The following PTPRM variants were observed in gnomAD, a reference collection of about 807,000 sequenced individuals.
PTPRM encodes receptor-type tyrosine-protein phosphatase mu.
A neutral mutation model predicts 186.7 loss-of-function variants in PTPRM; 47 were observed. The observed-to-expected ratio is 0.25, with a 90% confidence interval of 0.20 to 0.32. The LOEUF is 0.32. Among genes scored for constraint, PTPRM ranks in the 10% least tolerant of loss-of-function variants. The pLI is 1.00. For synonymous variants in PTPRM, 668 were observed against 674.9 expected (o/e 0.99, Z 0.16); for missense variants, 1,494 against 1,865.0 (o/e 0.80, Z 3.66).
At chr18:8,387,503 G>GAAA (rs113920545) in intron 31 of PTPRM, among the ~76,000 whole-genome samples, 2 of 149,722 alleles carry the variant, frequency 1.3e-5, no homozygotes, top group African/African-American at 4.9e-5. Context: ...ACTGCCAAGA[G>GAAA]GAAAAAAAAA....
chr18:7,947,199 G>A (rs8092781), intron 5 of PTPRM, among the ~76,000 whole-genome samples: 24,717 of 152,124 alleles, frequency 0.16, 2,199 homozygotes, highest in Non-Finnish European at 0.19. Context: ...CAGGTGTTCC[G>A]GCGCTTGGGC....
At chr18:7,600,245 G>A (rs1032585412) in intron 1 of PTPRM, among the ~76,000 whole-genome samples, 4 of 152,282 alleles carry the variant, frequency 2.6e-5, no homozygotes, top group Admixed American at 2.0e-4. Flanking sequence ...GACCAAATGA[G>A]GTAATAAACA....
At chr18:8,100,660 G>A (rs2091253312) in intron 11 of PTPRM, among the ~76,000 whole-genome samples, 1 of 152,200 alleles carries the variant, frequency 6.6e-6, no homozygotes, top group African/African-American at 2.4e-5. Context: ...AATTCTCTAA[G>A]TCTGTTCCTT....
chr18:8,040,280 C>T (rs1172709419), intron 7 of PTPRM, among the ~76,000 whole-genome samples: 1 of 152,172 alleles, frequency 6.6e-6, no homozygotes, highest in East Asian at 1.9e-4. Context: ...TCATCCTAGT[C>T]ATCTTCCCAT....
At chr18:8,120,733 G>C (rs976812594) in intron 13 of PTPRM, among the ~76,000 whole-genome samples, 1 of 152,050 alleles carries the variant, frequency 6.6e-6, no homozygotes, top group Admixed American at 6.6e-5. Context: ...GAGCTCAAGC[G>C]ATCCACCCAC....
intron 5 of PTPRM, among the ~76,000 whole-genome samples, chr18:7,937,691 A>G (rs890484199): frequency 6.6e-6 from 1 of 152,214 alleles, no homozygotes; most frequent in East Asian, 1.9e-4. Context: ...GCCTTGGTTC[A>G]TTAATTCATT....
intron 22 of PTPRM, among the ~76,000 whole-genome samples, chr18:8,319,997 T>C (rs2095335816): frequency 6.6e-6 from 1 of 152,086 alleles, no homozygotes; most frequent in South Asian, 2.1e-4. Context: ...AGCGAGGTTT[T>C]AGAGAATGAG....
intron 20 of PTPRM, among the ~76,000 whole-genome samples, chr18:8,313,432 C>T (rs147443833): frequency 1.1e-3 from 163 of 152,176 alleles, no homozygotes; most frequent in African/African-American, 3.8e-3. Flanking sequence ...TTTCAAAAAA[C>T]GACAATGCAC....
intron 1 of PTPRM, among the ~76,000 whole-genome samples, chr18:7,628,834 C>G (rs1231631420): frequency 2.0e-5 from 3 of 152,202 alleles, no homozygotes; most frequent in Non-Finnish European, 2.9e-5. Context: ...TGTGTACTTT[C>G]CGTGCATGCT....
chr18:7,912,762 G>A (rs1467249875), intron 4 of PTPRM, among the ~76,000 whole-genome samples: 9 of 151,348 alleles, frequency 5.9e-5, no homozygotes, highest in Non-Finnish European at 8.8e-5. Context: ...CTCGTGATCC[G>A]CCCGCCTCAG....
At chr18:8,096,984 G>A (rs1381283205) in intron 11 of PTPRM, among the ~76,000 whole-genome samples, 1 of 152,128 alleles carries the variant, frequency 6.6e-6, no homozygotes, top group Non-Finnish European at 1.5e-5. Context: ...CATTCCTCAT[G>A]TTACATTTCT....
chr18:7,673,733 G>A (rs2039271140), intron 1 of PTPRM, among the ~76,000 whole-genome samples: 1 of 152,190 alleles, frequency 6.6e-6, no homozygotes, highest in South Asian at 2.1e-4. Context: ...AAAAAAGAAA[G>A]ATGTATATGT....
At chr18:7,941,406 G>A (rs570404801) in intron 5 of PTPRM, among the ~76,000 whole-genome samples, 43 of 152,338 alleles carry the variant, frequency 2.8e-4, no homozygotes, top group Middle Eastern at 3.4e-3. Flanking sequence ...TGTTATGTAT[G>A]TTTTAATGAT....
At chr18:7,874,446 A>G (rs9945162) in intron 2 of PTPRM, among the ~76,000 whole-genome samples, 17,103 of 152,092 alleles carry the variant, frequency 0.11, 1,629 homozygotes, top group African/African-American at 0.27. Context: ...TCCCTAATAT[A>G]CAGTTATTTC....
chr18:7,942,282 C>CA (rs201157673), intron 5 of PTPRM, among the ~76,000 whole-genome samples: 7,013 of 94,102 alleles, frequency 0.075, 368 homozygotes, highest in African/African-American at 0.2. Flanking sequence ...GACTCCGTCT[C>CA]AAAAAAAAAA....
chr18:7,962,100 T>C (rs2053721540), intron 7 of PTPRM, among the ~76,000 whole-genome samples: 1 of 152,220 alleles, frequency 6.6e-6, no homozygotes, highest in Non-Finnish European at 1.5e-5. Context: ...CAGTGTCTGC[T>C]TATCCCATTT....
intron 3 of PTPRM, among the ~76,000 whole-genome samples, chr18:7,903,320 C>G (rs1383231574): frequency 6.6e-6 from 1 of 152,178 alleles, no homozygotes; most frequent in Non-Finnish European, 1.5e-5. Flanking sequence ...ACCACAGCAC[C>G]CATGCTCTTG....
At chr18:8,069,515 A>G (rs2089325127) in intron 7 of PTPRM, among the ~76,000 whole-genome samples, 171 bp from the exon 8 acceptor site, 1 of 152,258 alleles carries the variant, frequency 6.6e-6, no homozygotes, top group East Asian at 1.9e-4. Context: ...GGAAACTTTC[A>G]TCTTTATTCT....
At chr18:8,364,681 G>A (rs1047807573) in intron 23 of PTPRM, among the ~76,000 whole-genome samples, 2 of 152,018 alleles carry the variant, frequency 1.3e-5, no homozygotes, top group African/African-American at 2.4e-5. Flanking sequence ...ATGGATACTC[G>A]GTTTGGATAT....
Sources: gnomAD v4.1 joint callset for allele counts (sites outside exome capture counted in the v4.1 genomes callset) on GRCh38, gnomAD v4.1.1 for gene constraint, MANE v1.5 for transcripts, NCBI Gene and HGNC (gene_info 2026-07-23, HGNC 2026-07-21) for gene names.